Variants in SCFD2 observed in about 807,000 individuals in gnomAD.
SCFD2 encodes sec1 family domain-containing protein 2.
A neutral mutation model predicts 58.9 loss-of-function variants in SCFD2; 54 were observed. That is an observed-to-expected ratio of 0.92 (90% CI 0.74 to 1.15). The LOEUF is 1.15. Among genes scored for constraint, SCFD2 ranks in the 50% most tolerant of loss-of-function variants. The pLI is 0.00. For missense variants in SCFD2, 805 were observed against 836.6 expected, an observed-to-expected ratio of 0.96 and a Z score of 0.47; for synonymous variants, 321 against 335.9, an observed-to-expected ratio of 0.96 and a Z score of 0.49.
chr4:53,127,759 G>GA (rs1284005166), intron 5 of SCFD2, among the ~76,000 whole-genome samples: 3 of 151,650 alleles, frequency 2.0e-5, no homozygotes, highest in African/African-American at 7.3e-5. Context: ...GGGAATGAAA[G>GA]AAAAAAATGG....
In SCFD2 at chr4:53,313,686, T is replaced by A; in HGVS notation, c.1085A>T (p.His362Leu). ...HKEAVMEVRR[H>L]LVEAASRENL... Reference sequence around the variant, plus strand: ...TTCTCTGCTTGCCGCTTCCACTAGATGTCTCCGAACTTCCATCACTGCCTC... The same window carrying A: ...TTCTCTGCTTGCCGCTTCCACTAGAAGTCTCCGAACTTCCATCACTGCCTC... The change falls in exon 3 of 9, where the codon CAT (histidine) becomes CTT (leucine). Residue 362 changes from histidine (H) to leucine (L), a missense_variant. This residue lies in a region of SCFD2 where 633 missense variants were observed against 646.8 expected (regional missense o/e 0.98). Transcript: ENST00000401642. The A allele has an allele frequency of 2.5e-6, 4 of 1,614,094 alleles. No individual in the cohort carries two copies. Among genetic ancestry groups the A allele is most frequent in the Non-Finnish European group, 3.4e-6 (4 of 1,179,966 alleles).
intron 5 of SCFD2, among the ~76,000 whole-genome samples, chr4:53,130,520 G>A (rs1429248488): frequency 6.6e-6 from 1 of 152,124 alleles, no homozygotes; most frequent in East Asian, 1.9e-4. Context: ...AGTGGCAGTT[G>A]TGGGACTGCC....
At chr4:53,182,455 G>C (rs1008242029) in intron 4 of SCFD2, among the ~76,000 whole-genome samples, 7 of 152,174 alleles carry the variant, frequency 4.6e-5, no homozygotes, top group Non-Finnish European at 7.3e-5. Context: ...GCCATATGCA[G>C]AACGCTGAAA....
chr4:52,879,532 A>G (rs891911355), intron 8 of SCFD2, among the ~76,000 whole-genome samples: 2 of 152,198 alleles, frequency 1.3e-5, no homozygotes, highest in Non-Finnish European at 2.9e-5. Flanking sequence ...TCAAAAAAAT[A>G]TATCGACTGA....
chr4:52,911,386 C>T (rs936292840), intron 6 of SCFD2, among the ~76,000 whole-genome samples: 1 of 152,202 alleles, frequency 6.6e-6, no homozygotes, highest in Admixed American at 6.5e-5. Context: ...AAAATGCTCA[C>T]TGAGCTGGGT....
intron 3 of SCFD2, among the ~76,000 whole-genome samples, chr4:53,277,219 T>C (rs1489526356): frequency 1.3e-5 from 2 of 152,212 alleles, no homozygotes; most frequent in African/African-American, 4.8e-5. Flanking sequence ...CTCTTACGTG[T>C]CATTCTCTCT....
chr4:52,887,802 G>A (rs1383263879), intron 7 of SCFD2, among the ~76,000 whole-genome samples: 1 of 151,912 alleles, frequency 6.6e-6, no homozygotes, highest in Non-Finnish European at 1.5e-5. Context: ...AGCAGGTCAA[G>A]AGGAAGCCCT....
chr4:53,340,072 A>C (rs1733814379), intron 2 of SCFD2, among the ~76,000 whole-genome samples: 1 of 152,146 alleles, frequency 6.6e-6, no homozygotes, highest in Non-Finnish European at 1.5e-5. Context: ...TGCATTTCCA[A>C]CTGAGGTACC....
intron 7 of SCFD2, among the ~76,000 whole-genome samples, chr4:52,900,995 C>T (rs1324173056): frequency 1.3e-5 from 2 of 152,176 alleles, no homozygotes; most frequent in Non-Finnish European, 2.9e-5. Flanking sequence ...ATTGGAAGAG[C>T]ACAGTATTAG....
chr4:53,311,925 C>T (rs1037599149), intron 3 of SCFD2, among the ~76,000 whole-genome samples: 7 of 152,016 alleles, frequency 4.6e-5, no homozygotes, highest in African/African-American at 1.2e-4. Context: ...AGAGCCACTG[C>T]GTCCGGCCGA....
intron 5 of SCFD2, among the ~76,000 whole-genome samples, chr4:53,135,719 C>T (rs758654666): frequency 6.6e-6 from 1 of 151,716 alleles, no homozygotes; most frequent in African/African-American, 2.4e-5. Context: ...TCCAGCCTGG[C>T]AACAGAGCGA....
intron 5 of SCFD2, among the ~76,000 whole-genome samples, chr4:53,131,859 A>G (rs1355309037): frequency 6.6e-6 from 1 of 152,246 alleles, no homozygotes; most frequent in Non-Finnish European, 1.5e-5. Flanking sequence ...AGAAATATGT[A>G]TTGTATCTAA....
intron 5 of SCFD2, among the ~76,000 whole-genome samples, chr4:53,050,139 G>A (rs1222325355): frequency 6.6e-6 from 1 of 152,170 alleles, no homozygotes; most frequent in African/African-American, 2.4e-5. Context: ...TATGTTTAAT[G>A]TTGTTTCTGT....
chr4:52,990,825 T>C (rs1175669397), intron 5 of SCFD2, among the ~76,000 whole-genome samples: 2 of 152,078 alleles, frequency 1.3e-5, no homozygotes, highest in Non-Finnish European at 2.9e-5. Flanking sequence ...AAAAGAGAAA[T>C]GCAGTAATGA....
At chr4:53,323,696 A>T (rs1042773785) in intron 2 of SCFD2, among the ~76,000 whole-genome samples, 5 of 151,880 alleles carry the variant, frequency 3.3e-5, no homozygotes, top group Admixed American at 6.6e-5. Context: ...TTTTCATTAT[A>T]GTCAACCTGT....
intron 4 of SCFD2, among the ~76,000 whole-genome samples, chr4:53,219,079 G>C (rs774395634): frequency 6.6e-5 from 10 of 152,188 alleles, no homozygotes; most frequent in Non-Finnish European, 1.0e-4. Context: ...AGGCTACTCG[G>C]GAGTCAGGGA....
chr4:53,175,462 AACT>A (rs1490441970), intron 4 of SCFD2, among the ~76,000 whole-genome samples: 1 of 152,202 alleles, frequency 6.6e-6, no homozygotes, highest in Non-Finnish European at 1.5e-5. Context: ...GAGTTCATAT[AACT>A]ACTTCTGAAA....
In SCFD2 at chr4:52,978,653, A is replaced by G. The variant is rs542971022; in HGVS notation, c.1562-57783T>C. 2.0e-5 allele frequency among the ~76,000 whole-genome samples: 3 copies of G among 152,150 alleles called. No homozygotes were observed. The South Asian group carries it at 6.2e-4, about 32-fold the overall frequency. On this transcript the variant is annotated intron_variant, in intron 5 of 8. Transcript: ENST00000401642. The stretch of plus-strand genomic sequence containing the variant: ...TTGTGATTAGTTGTTTTGGAAAAAT[A>G]AAGAGGCATGTTTTGCTTTAAAAAA...
chr4:53,200,495 A>G (rs550402229), intron 4 of SCFD2, among the ~76,000 whole-genome samples: 1 of 152,240 alleles, frequency 6.6e-6, no homozygotes, highest in South Asian at 2.1e-4. Context: ...CAGATTTGAA[A>G]GGAAAATATA....
Sources: allele counts gnomAD v4.1 joint callset (sites outside exome capture counted in the v4.1 genomes callset), GRCh38; gene constraint gnomAD v4.1.1; regional missense constraint gnomAD v4.1.1; transcripts MANE v1.5; gene names NCBI Gene and HGNC (gene_info 2026-07-23, HGNC 2026-07-21).